PVT1: variants seen among roughly 807,000 people sequenced by gnomAD.
The protein encoded by PVT1 is Pvt1 oncogene.
At chr8:128,092,734 C>T (rs961464966) in intron 5 of PVT1, among the ~76,000 whole-genome samples, 3 of 152,068 alleles carry the variant, frequency 2.0e-5, no homozygotes, top group African/African-American at 7.2e-5. Context: ...CAGAGACTGG[C>T]CAGCCTCACC....
intron 3 of PVT1, among the ~76,000 whole-genome samples, chr8:127,983,161 C>G (rs1029531801): frequency 2.6e-5 from 4 of 152,164 alleles, no homozygotes; most frequent in African/African-American, 9.6e-5. Context: ...GGTCAAATCC[C>G]AGCTCACCTA....
At chr8:127,997,785 C>T (rs7003759) in intron 4 of PVT1, among the ~76,000 whole-genome samples, 2,459 of 152,234 alleles carry the variant, frequency 0.016, 73 homozygotes, top group African/African-American at 0.057. Context: ...GAAGTTGAAA[C>T]ATTACTTTAG....
At chr8:128,028,059 G>A (rs1459447817) in intron 4 of PVT1, among the ~76,000 whole-genome samples, 3 of 152,196 alleles carry the variant, frequency 2.0e-5, no homozygotes, top group South Asian at 2.1e-4. Flanking sequence ...GTCCCGCCAC[G>A]GGCTCCCGCC....
At chr8:128,065,338 C>T (rs146050751) in intron 4 of PVT1, among the ~76,000 whole-genome samples, 2,653 of 152,208 alleles carry the variant, frequency 0.017, 51 homozygotes, top group East Asian at 0.07. Context: ...ATTACAGGCA[C>T]ACGCCACCAC....
chr8:127,914,460 G>C (rs1815955049), intron 3 of PVT1, among the ~76,000 whole-genome samples: 1 of 152,010 alleles, frequency 6.6e-6, no homozygotes, highest in Admixed American at 6.6e-5. Context: ...TCCACTCCTA[G>C]GTGTATATCC....
At chr8:127,908,774 C>T (rs1015005589) in intron 3 of PVT1, among the ~76,000 whole-genome samples, 1 of 152,094 alleles carries the variant, frequency 6.6e-6, no homozygotes, top group Admixed American at 6.6e-5. Context: ...CCTTGGAGTG[C>T]GGGAGGAAGG....
chr8:127,873,425 G>A lies in PVT1; in HGVS notation n.373-17164G>A, dbSNP rs1328627496. ...ACAAAAGTGTGTTTATCCTTCAGGA[G>A]CATTCTTGGCTGCTGAAAAATCATC... On this transcript the variant is annotated intron_variant and non_coding_transcript_variant, in intron 2 of 10. Transcript: ENST00000651587. Among the ~76,000 whole-genome samples, 4 of 152,174 alleles carry A rather than the reference G, an allele frequency of 2.6e-5. No homozygotes were observed. In the East Asian group the frequency reaches 7.7e-4, roughly 29 times the overall value.
At chr8:127,978,223 TTTAC>T (rs1266134692) in intron 3 of PVT1, among the ~76,000 whole-genome samples, 2 of 151,208 alleles carry the variant, frequency 1.3e-5, no homozygotes, top group African/African-American at 4.9e-5. Flanking sequence ...GCAATCATAG[TTTAC>T]TGCAGCCTCA....
chr8:127,962,045 C>A (rs955611022), intron 3 of PVT1, among the ~76,000 whole-genome samples: 5 of 152,138 alleles, frequency 3.3e-5, no homozygotes, highest in African/African-American at 1.2e-4. Flanking sequence ...CGCGATCTCG[C>A]CTCACTGCAA....
chr8:127,813,347 T>G (rs7834055), intron 2 of PVT1, among the ~76,000 whole-genome samples: 3,482 of 151,668 alleles, frequency 0.023, 89 homozygotes, highest in East Asian at 0.12. Context: ...CAGGATCCCA[T>G]GGAGAGGAAA....
intron 3 of PVT1, among the ~76,000 whole-genome samples, chr8:127,984,986 T>C (rs1816944293): frequency 7.8e-6 from 1 of 128,338 alleles, no homozygotes; most frequent in Non-Finnish European, 1.6e-5. Context: ...TTCCTTTCTT[T>C]CTTTCTCTTT....
chr8:127,814,442 G>A (rs1456598496), intron 2 of PVT1, among the ~76,000 whole-genome samples: 1 of 152,166 alleles, frequency 6.6e-6, no homozygotes, highest in East Asian at 1.9e-4. Flanking sequence ...GTCTTAATGA[G>A]CAGTTCCAGC....
Position 127,982,876 on chromosome 8 carries a change from G to C in PVT1, n.783-6286G>C, listed in dbSNP as rs146392025. Reference sequence around the variant, plus strand: ...GGTTTCTTGCTCCTTCTTCCTGAAAGAGTCTGTGCATTATTGAAAAGAAGA... The same window carrying C: ...GGTTTCTTGCTCCTTCTTCCTGAAACAGTCTGTGCATTATTGAAAAGAAGA... On this transcript the variant is annotated intron_variant and non_coding_transcript_variant, in intron 3 of 10. Transcript: ENST00000651587. Among the ~76,000 whole-genome samples the C allele has an allele frequency of 1.6e-3, 250 of 152,236 alleles. 1 individual carries two copies. Among genetic ancestry groups the C allele is most frequent in the South Asian group, 0.011 (51 of 4,820 alleles).
intron 2 of PVT1, among the ~76,000 whole-genome samples, chr8:127,842,249 G>T (rs1304851566): frequency 8.0e-6 from 1 of 124,232 alleles, no homozygotes; most frequent in Non-Finnish European, 1.6e-5. Context: ...TTGTGGAACT[G>T]CTCTGGATTT....
At chr8:127,872,407 C>T (rs1815360779) in intron 2 of PVT1, among the ~76,000 whole-genome samples, 1 of 152,020 alleles carries the variant, frequency 6.6e-6, no homozygotes, top group African/African-American at 2.4e-5. Flanking sequence ...AGAGAGTATC[C>T]GTCTCAAATA....
intron 2 of PVT1, among the ~76,000 whole-genome samples, chr8:127,847,220 C>T (rs919157094): frequency 9.7e-5 from 8 of 82,528 alleles, no homozygotes; most frequent in Admixed American, 5.3e-4. Flanking sequence ...CCAGGATAGT[C>T]GAACTCTTGG....
intron 4 of PVT1, among the ~76,000 whole-genome samples, chr8:128,045,108 C>T (rs1366202394): frequency 5.3e-5 from 8 of 152,182 alleles, no homozygotes; most frequent in Non-Finnish European, 1.0e-4. Flanking sequence ...TCCATTGTTC[C>T]CAGATAACAT....
At chr8:127,976,827 G>A (rs1586463741) in intron 3 of PVT1, among the ~76,000 whole-genome samples, 1 of 152,264 alleles carries the variant, frequency 6.6e-6, no homozygotes, top group East Asian at 1.9e-4. Flanking sequence ...CAGCAGCAAG[G>A]CCTGTCTGCT....
chr8:128,024,945 C>T (rs539351721), intron 4 of PVT1, among the ~76,000 whole-genome samples: 165 of 152,352 alleles, frequency 1.1e-3, no homozygotes, highest in African/African-American at 3.8e-3. Flanking sequence ...CAAGTGATCC[C>T]ATCTTGGCCT....
Sources: gnomAD v4.1 joint callset for allele counts (sites outside exome capture counted in the v4.1 genomes callset) on GRCh38, gnomAD v4.1.1 for gene constraint, MANE v1.5 for transcripts, NCBI Gene and HGNC (gene_info 2026-07-23, HGNC 2026-07-21) for gene names.